The following MCM3AP variants were observed in gnomAD, a reference collection of about 807,000 sequenced individuals.
MCM3AP encodes the protein germinal-center associated nuclear protein.
A neutral mutation model predicts 184.1 loss-of-function variants in MCM3AP; 126 were observed. The observed-to-expected ratio is 0.68, with a 90% CI of 0.59 to 0.79. The LOEUF is 0.79. Ranked by LOEUF, MCM3AP falls within the 30% of genes least tolerant of loss-of-function variation. MCM3AP has a pLI of 0.00. For synonymous variants in MCM3AP, 1,002 were observed against 979.3 expected, an observed-to-expected ratio of 1.02 and a Z score of -0.43; for missense variants, 2,496 against 2,479.2, an observed-to-expected ratio of 1.01 and a Z score of -0.14.
At position 46,265,928 on chromosome 21, in the gene MCM3AP, C is replaced by G. The variant is rs750558919; in HGVS notation, c.3028G>C (p.Val1010Leu). The G allele has an allele frequency of 6.8e-5, 107 of 1,567,072 alleles. No individual in the cohort carries two copies. The highest frequency in any genetic ancestry group is 9.2e-5 in the Non-Finnish European group (106 of 1,151,882). Residue 1010 changes from valine (V) to leucine (L), a missense_variant, in exon 11 of 28, where the codon GTG becomes CTG. Physicochemically the swap from Val to Leu is conservative, Grantham distance 32. Transcript: ENST00000291688. The stretch of plus-strand genomic sequence containing the variant: ...CTACGACTGCAGCTTCACTCACCCA[C>G]TGTGTCGGAGCCGGGTCTCTGGGTG... ...VSTQRPGSDTVGGGRGEECGV... is the reference protein window; with the variant it reads ...VSTQRPGSDTLGGGRGEECGV...
intron 6 of MCM3AP, 137 bp downstream of exon 6, chr21:46,275,049 A>G: frequency 1.1e-6 from 1 of 945,194 alleles, no homozygotes. Flanking sequence ...CTCACAATGC[A>G]AAACAGCTTA....
Position 46,284,499 on chromosome 21 carries a change from A to C in MCM3AP, c.788T>G (p.Phe263Cys). The C allele has an allele frequency of 6.2e-7, 1 of 1,614,180 alleles. No individual in the cohort carries two copies. The highest frequency in any genetic ancestry group is 8.5e-7 in the Non-Finnish European group (1 of 1,180,034). ...CCTGACACCTGCTTTGCTAGCCTGG[A>C]AAGGTTCGCCCAAAACCGCAGATGA... is the stretch of plus-strand genomic sequence containing the variant. ...PVSSAVLGEPFQASKAGVRQG... is the reference protein window; with the variant it reads ...PVSSAVLGEPCQASKAGVRQG... The change falls in exon 1 of 28, where the codon TTC (phenylalanine) becomes TGC (cysteine). Residue 263 changes from phenylalanine (F) to cysteine (C), a missense_variant. Physicochemically the swap from Phe to Cys is radical, Grantham distance 205. Transcript: ENST00000291688.
At chr21:46,281,119 T>C (rs1176363247) in intron 2 of MCM3AP, among the ~76,000 whole-genome samples, 1 of 152,052 alleles carries the variant, frequency 6.6e-6, no homozygotes, top group Non-Finnish European at 1.5e-5. Flanking sequence ...TTTTTTTAAT[T>C]AACAACTTTG....
Position 46,246,360 on chromosome 21 carries a change from A to T in MCM3AP, c.4594T>A (p.Tyr1532Asn), listed in dbSNP as rs1251728077. 1.2e-6 allele frequency: 2 copies of T among 1,613,298 alleles called. No individual in the cohort carries two copies. Among genetic ancestry groups the T allele is most frequent in the Non-Finnish European group, 1.7e-6 (2 of 1,179,200 alleles). The change falls in exon 22 of 28, where the codon TAC becomes AAC. Residue 1532 changes from tyrosine to asparagine, a missense_variant. This residue lies in a region of MCM3AP where 1,323 missense variants were observed against 1,273.4 expected (regional missense o/e 1.04). Transcript: ENST00000291688. ...DLVSAKLISD[Y>N]TVTEIPDTIN... is the part of the protein sequence containing the mutation. ...GTATCAGGGATCTCGGTAACAGTGT[A>T]ATCTGAAATCAGCTTAGCTGAAACC...
intron 15 of MCM3AP, among the ~76,000 whole-genome samples, chr21:46,259,821 C>T (rs1269080039): frequency 1.3e-5 from 2 of 149,112 alleles, no homozygotes; most frequent in African/African-American, 2.5e-5. Flanking sequence ...CTGAGAATGG[C>T]GTGAACCCGG....
At chr21:46,279,061 C>A (rs900428395) in intron 4 of MCM3AP, among the ~76,000 whole-genome samples, 1 of 151,028 alleles carries the variant, frequency 6.6e-6, no homozygotes, top group African/African-American at 2.4e-5. Context: ...TTTGGCCGGG[C>A]ATGCATCTCT....
In MCM3AP at chr21:46,283,817, G is replaced by T. The variant is rs895345682; in HGVS notation, c.1241C>A (p.Ala414Glu). 1 of 1,613,208 alleles carries T rather than the reference G, an allele frequency of 6.2e-7. No homozygotes were observed. The highest frequency in any genetic ancestry group is 1.7e-5 in the Admixed American group (1 of 59,976). Residue 414 changes from alanine (A) to glutamate (E), a missense_variant, in exon 2 of 28, where the codon GCG becomes GAG. Coordinates refer to ENST00000291688, the MANE Select transcript of MCM3AP (RefSeq NM_003906.5). The stretch of plus-strand genomic sequence containing the variant: ...GCTCTCGCTTCTGTTACTCTGACGC[G>T]CCGGAGTTCCTCTTAGAGAATCTAG... The part of the protein sequence containing the change: ...KKEDSLRGTP[A>E]RQSNRSESTD...
In MCM3AP at chr21:46,246,700, G is replaced by C. The variant is rs201791799; in HGVS notation, c.4477C>G (p.Gln1493Glu). ...LKQLLQAKPF[Q>E]PALPLVVLVP... ...AGAACCACCAGAGGAAGCGCAGGCTGGAAGGGCTTAGCCTGCAGGAGCTGC... is the reference window on the plus strand; with the variant it reads ...AGAACCACCAGAGGAAGCGCAGGCTCGAAGGGCTTAGCCTGCAGGAGCTGC... Residue 1493 changes from glutamine to glutamate, a missense_variant, in exon 21 of 28, where the codon CAG becomes GAG. Around this residue, in one of 5 missense-constraint regions of MCM3AP, gnomAD observed 1,323 missense variants for 1,273.4 expected, o/e 1.04. Transcript: ENST00000291688. 1.7e-4 allele frequency: 277 copies of C among 1,614,148 alleles called. No individual in the cohort carries two copies. Among genetic ancestry groups the C allele is most frequent in the Admixed American group, 4.0e-4 (24 of 60,018 alleles).
intron 26 of MCM3AP, among the ~76,000 whole-genome samples, chr21:46,237,461 G>A (rs2080566411): frequency 1.9e-5 from 1 of 51,680 alleles, no homozygotes; most frequent in African/African-American, 9.1e-5. Context: ...CCGGAGTGCA[G>A]TGTTACAATC....
rs773752531 is a variant in MCM3AP, at chr21:46,272,738, C to T, written c.2288G>A (p.Cys763Tyr). 5.0e-6 allele frequency: 8 copies of T among 1,614,118 alleles called. No homozygotes were observed. In the Admixed American group the frequency reaches 8.3e-5, roughly 17 times the overall value. The stretch of plus-strand genomic sequence containing the variant: ...ATCAAAGGAGGACATGGGCTCCTCA[C>T]ACATGAAGTGGGCACAGTGGATGTG... ...RFHIHCAHFMCEEPMSSFDAK... is the reference protein window; with the variant it reads ...RFHIHCAHFMYEEPMSSFDAK... Residue 763 changes from cysteine to tyrosine, a missense_variant, in exon 8 of 28, where the codon TGT becomes TAT. Physicochemically the swap from Cys to Tyr is radical, Grantham distance 194. Around this residue, in one of 5 missense-constraint regions of MCM3AP, gnomAD observed 105 missense variants for 97.1 expected, o/e 1.08. Coordinates refer to ENST00000291688, the MANE Select transcript of MCM3AP (RefSeq NM_003906.5).
rs1397629520 is a variant in MCM3AP, at chr21:46,256,839, C to A, written c.3882G>T (p.Arg1294Ser). 8 of 1,570,792 alleles carry A rather than the reference C, an allele frequency of 5.1e-6. No individual in the cohort carries two copies. Among genetic ancestry groups the A allele is most frequent in the Non-Finnish European group, 6.9e-6 (8 of 1,157,894 alleles). ...CTGCATGGCCCAGGTCCAGGAGGCC[C>A]CTGGCCAGGTTCTCTTCAGCAATGG... ...ECPIAEENLA[R>S]GLLDLGHAGR... is the part of the protein sequence containing the mutation. Residue 1294 changes from arginine (R) to serine (S), a missense_variant, in exon 17 of 28, where the codon AGG becomes AGT. Arg to Ser is a moderately radical substitution (Grantham distance 110, BLOSUM62 -1). Around this residue, in one of 5 missense-constraint regions of MCM3AP, gnomAD observed 1,323 missense variants for 1,273.4 expected, o/e 1.04. Transcript: ENST00000291688.
At position 46,242,817 on chromosome 21, in the gene MCM3AP, T is replaced by C. The variant is rs752951054; in HGVS notation, c.5411A>G (p.Gln1804Arg). The change falls in exon 25 of 28, where the codon CAG (glutamine) becomes CGG (arginine). Residue 1804 changes from glutamine to arginine, a missense_variant. This residue lies in a region of MCM3AP where 1,323 missense variants were observed against 1,273.4 expected (regional missense o/e 1.04). Coordinates refer to ENST00000291688, the MANE Select transcript of MCM3AP (RefSeq NM_003906.5). ...TGAACCTCACCGTCCCTCTCTCAGC[T>C]GTAGCTCCTTCTGCGTCTGCAACCT... ...QARLQTQKEL[Q>R]LREGRLAIKP... 3.1e-6 allele frequency: 5 copies of C among 1,611,428 alleles called. No individual in the cohort carries two copies. The highest frequency in any genetic ancestry group is 4.2e-6 in the Non-Finnish European group (5 of 1,179,224).
chr21:46,244,591 G>C, intron 23 of MCM3AP: 1 of 589,688 alleles, frequency 1.7e-6, no homozygotes, highest in Non-Finnish European at 3.0e-6. Context: ...GTCAGGAAAG[G>C]CTAACAGCCC....
chr21:46,265,970 C>T lies in MCM3AP; in HGVS notation c.2986G>A (p.Ala996Thr), dbSNP rs747901017. The T allele has an allele frequency of 4.5e-5, 72 of 1,601,372 alleles. No individual in the cohort carries two copies. Among genetic ancestry groups the T allele is most frequent in the South Asian group, 3.3e-4 (29 of 87,668 alleles). The change falls in exon 11 of 28, where the codon GCG becomes ACG. Residue 996 changes from alanine (A) to threonine (T), a missense_variant. Ala to Thr is a moderately conservative substitution (Grantham distance 58, BLOSUM62 0). Around this residue, in one of 5 missense-constraint regions of MCM3AP, gnomAD observed 1,323 missense variants for 1,273.4 expected, o/e 1.04. Coordinates refer to ENST00000291688, the MANE Select transcript of MCM3AP (RefSeq NM_003906.5). The stretch of plus-strand genomic sequence containing the variant: ...CTCTGGGTGCTGACGGGCAGCTCCG[C>T]GGCCAGGCTCTCCCCGATGTACTTG... Reference protein sequence around the residue: ...QNKYIGESLAAELPVSTQRPG... With the variant: ...QNKYIGESLATELPVSTQRPG...
intron 17 of MCM3AP, among the ~76,000 whole-genome samples, chr21:46,255,765 G>C (rs527974299): frequency 6.6e-6 from 1 of 152,112 alleles, no homozygotes; most frequent in South Asian, 2.1e-4. Flanking sequence ...CAGAAGGGCA[G>C]AGGGCAGAGG....
intron 23 of MCM3AP, 114 bp downstream of exon 23, chr21:46,244,693 G>T: frequency 1.8e-6 from 2 of 1,119,002 alleles, no homozygotes; most frequent in East Asian, 2.4e-5. Context: ...CACGGAGGTG[G>T]ACGTGCAGCC....
intron 13 of MCM3AP, among the ~76,000 whole-genome samples, chr21:46,262,113 C>T (rs1267608028): frequency 1.3e-5 from 2 of 152,158 alleles, no homozygotes; most frequent in East Asian, 3.8e-4. Context: ...TCTACCAAAA[C>T]TGACTCATGA....
At chr21:46,243,444 A>G (rs1324586756) in intron 24 of MCM3AP, 21 bp downstream of exon 24, 6 of 1,583,322 alleles carry the variant, frequency 3.8e-6, no homozygotes, top group East Asian at 4.5e-5. Context: ...AGCTGATCCC[A>G]TTGCATCAAG....
At position 46,246,958 on chromosome 21, in the gene MCM3AP, G is replaced by C. The variant is rs1601494884; in HGVS notation, c.4291-72C>G. Reference sequence around the variant, plus strand: ...TCAGCAGTGACTGATCTGCCCCAGAGCAAGTGCAGCCAAAGCTCTCCGTGC... The same window carrying C: ...TCAGCAGTGACTGATCTGCCCCAGACCAAGTGCAGCCAAAGCTCTCCGTGC... On this transcript the variant is annotated intron_variant, in intron 20 of 27. Coordinates refer to ENST00000291688, the MANE Select transcript of MCM3AP (RefSeq NM_003906.5). 32 of 1,518,992 alleles carry C rather than the reference G, an allele frequency of 2.1e-5. No individual in the cohort carries two copies. In the South Asian group the frequency reaches 3.7e-4, roughly 18 times the overall value. 94.1% of individuals were successfully genotyped at this position (1,518,992 alleles called of 1,614,324 possible). A position where few individuals can be genotyped will look rare whatever the true frequency, so the allele number is the denominator to read the frequency against.
Sources: allele counts gnomAD v4.1 joint callset (sites outside exome capture counted in the v4.1 genomes callset), GRCh38; gene constraint gnomAD v4.1.1; regional missense constraint gnomAD v4.1.1; transcripts MANE v1.5; gene names NCBI Gene and HGNC (gene_info 2026-07-23, HGNC 2026-07-21).